CST8: variants seen among roughly 807,000 people sequenced by gnomAD.
CST8 encodes cystatin-8.
A neutral mutation model predicts 11.8 loss-of-function variants in CST8; 20 were observed. That is an observed-to-expected ratio of 1.70 (90% CI 1.20 to 2.47). The LOEUF (loss-of-function observed/expected upper bound fraction) is 2.47, where lower values mean the gene tolerates loss of function less well. CST8 is among the 30% of genes most tolerant of loss of function. The probability of loss-of-function intolerance (pLI) is 0.00; values close to 1 mark genes in which losing one functional copy is unlikely to be tolerated. For synonymous variants in CST8, 77 were observed against 63.1 expected, an observed-to-expected ratio of 1.22 and a Z score of -1.05; for missense variants, 196 against 167.2, an observed-to-expected ratio of 1.17 and a Z score of -0.95.
intron 3 of CST8, among the ~76,000 whole-genome samples, chr20:23,493,577 C>T (rs898458079): frequency 9.8e-5 from 15 of 152,328 alleles, no homozygotes; most frequent in African/African-American, 3.6e-4. Flanking sequence ...GCCCCACCCT[C>T]CTGGGTTTAC....
At chr20:23,505,312 C>T in the CST8 span, among the ~76,000 whole-genome samples, 148 of 151,834 alleles carry the variant, frequency 9.7e-4, 1 homozygote, top group African/African-American at 3.3e-3. Context: ...GGCCGGCTAA[C>T]TTTTTGTATT....
At chr20:23,499,872 C>T (rs1988141813), downstream of CST8, among the ~76,000 whole-genome samples, 1 of 152,132 alleles carries the variant, frequency 6.6e-6, no homozygotes, top group African/African-American at 2.4e-5. Flanking sequence ...TTTGTGTTAT[C>T]TGAGGTGGCT....
chr20:23,495,242 CTT>C (rs1988007569), intron 3 of CST8, among the ~76,000 whole-genome samples: 1 of 152,058 alleles, frequency 6.6e-6, no homozygotes, highest in South Asian at 2.1e-4. Flanking sequence ...GACTTGATGT[CTT>C]TGCTACTGTG....
chr20:23,494,476 C>T (rs1987982891), intron 3 of CST8, among the ~76,000 whole-genome samples: 1 of 152,144 alleles, frequency 6.6e-6, no homozygotes, highest in Admixed American at 6.5e-5. Context: ...GTAAAGTCAT[C>T]TTGATCCAGT....
chr20:23,501,710 C>T, the CST8 span, among the ~76,000 whole-genome samples: 1 of 152,228 alleles, frequency 6.6e-6, no homozygotes, highest in Non-Finnish European at 1.5e-5. Flanking sequence ...AGAGCAAGTG[C>T]TCAGACGCTG....
the CST8 span, among the ~76,000 whole-genome samples, chr20:23,506,191 T>A: frequency 6.6e-6 from 1 of 152,200 alleles, no homozygotes; most frequent in African/African-American, 2.4e-5. Flanking sequence ...AAATACTCAT[T>A]AAGTCCTTTG....
the CST8 span, among the ~76,000 whole-genome samples, chr20:23,502,484 C>T: frequency 1.3e-5 from 2 of 152,140 alleles, no homozygotes; most frequent in Non-Finnish European, 2.9e-5. Context: ...GAGTGCCGCA[C>T]GGCCCCCACG....
At chr20:23,497,275 G>A (rs766233266), downstream of CST8, among the ~76,000 whole-genome samples, 17 of 152,204 alleles carry the variant, frequency 1.1e-4, no homozygotes, top group South Asian at 2.1e-4. Flanking sequence ...GGCTTCAGCC[G>A]GTCCCTCTGT....
chr20:23,502,617 A>C, the CST8 span, among the ~76,000 whole-genome samples: 1 of 152,190 alleles, frequency 6.6e-6, no homozygotes, highest in East Asian at 1.9e-4. Flanking sequence ...AACCAGGTGG[A>C]TTCTTACACC....
the CST8 span, among the ~76,000 whole-genome samples, chr20:23,505,851 A>C: frequency 6.6e-6 from 1 of 152,222 alleles, no homozygotes; most frequent in Non-Finnish European, 1.5e-5. Flanking sequence ...GTTTGTGTGC[A>C]CATTAAAGCT....
chr20:23,495,735 C>A (rs892600741), intron 3 of CST8, 96 bp from the exon 4 acceptor site: 14 of 945,100 alleles, frequency 1.5e-5, no homozygotes, highest in Non-Finnish European at 2.1e-5. Context: ...CAGCACACAC[C>A]TAAACTGACA....
downstream of CST8, among the ~76,000 whole-genome samples, chr20:23,498,005 A>G (rs565604857): frequency 2.0e-5 from 3 of 150,682 alleles, no homozygotes; most frequent in East Asian, 5.8e-4. Context: ...GTGTGTGTGT[A>G]TTTGTGTGTG....
the CST8 span, among the ~76,000 whole-genome samples, chr20:23,506,359 T>C: frequency 2.0e-5 from 3 of 152,178 alleles, no homozygotes; most frequent in Non-Finnish European, 4.4e-5. Context: ...TGTAGGTGTG[T>C]GGACAGTGAC....
At position 23,491,864 on chromosome 20, in the gene CST8, T is replaced by C; in HGVS notation, c.197T>C (p.Phe66Ser). The C allele has an allele frequency of 6.2e-7, 1 of 1,614,212 alleles. No individual in the cohort carries two copies. Among genetic ancestry groups the C allele is most frequent in the Non-Finnish European group, 8.5e-7 (1 of 1,180,012 alleles). ...AAAGAGAGCGAGGACAAGTATGTCT[T>C]CCTGGTGGTCAAGACACTGCAAGCC... ...YNKESEDKYV[F>S]LVVKTLQAQL... Residue 66 changes from phenylalanine to serine, a missense_variant, in exon 2 of 4, where the codon TTC becomes TCC. Coordinates refer to ENST00000246012, the MANE Select transcript of CST8 (RefSeq NM_005492.4).
chr20:23,499,971 T>G, downstream of CST8, among the ~76,000 whole-genome samples: 1 of 146,554 alleles, frequency 6.8e-6, no homozygotes, highest in African/African-American at 2.5e-5. Context: ...AGAGAGACAG[T>G]GTGAGAAAGA....
At chr20:23,499,817 G>C (rs538610518), downstream of CST8, among the ~76,000 whole-genome samples, 4 of 152,324 alleles carry the variant, frequency 2.6e-5, no homozygotes, top group South Asian at 8.3e-4. Flanking sequence ...TGGTTGGTGG[G>C]GAGTGAGGTC....
intron 3 of CST8, 34 bp downstream of exon 3, chr20:23,493,105 G>A: frequency 7.8e-7 from 1 of 1,286,788 alleles, no homozygotes; most frequent in Non-Finnish European, 1.1e-6. Flanking sequence ...TGACGGCCTA[G>A]GCAGCTCTGA....
At chr20:23,501,161 T>G in the CST8 span, among the ~76,000 whole-genome samples, 2 of 152,198 alleles carry the variant, frequency 1.3e-5, no homozygotes, top group Non-Finnish European at 2.9e-5. Flanking sequence ...TTCTGCTCTT[T>G]AGGAACTGAA....
chr20:23,501,029 G>A, the CST8 span, among the ~76,000 whole-genome samples: 4 of 152,098 alleles, frequency 2.6e-5, no homozygotes, highest in East Asian at 1.9e-4. Context: ...TGTTTGACTC[G>A]GTCTTTGTTA....
Sources: gnomAD v4.1 joint callset for allele counts (sites outside exome capture counted in the v4.1 genomes callset) on GRCh38, gnomAD v4.1.1 for gene constraint, MANE v1.5 for transcripts, NCBI Gene and HGNC (gene_info 2026-07-23, HGNC 2026-07-21) for gene names.